UNC13C: variants seen among roughly 807,000 people sequenced by gnomAD.
UNC13C encodes unc-13 homolog C.
In UNC13C, 174 loss-of-function variants were observed where a neutral mutation model predicts 245.4. The ratio of observed to expected loss-of-function variants is 0.71; its 90% CI spans 0.63 to 0.80. The LOEUF is 0.80. Among genes scored for constraint, UNC13C ranks in the 30% least tolerant of loss-of-function variants. The probability of loss-of-function intolerance (pLI) is 0.00; values close to 1 mark genes in which losing one functional copy is unlikely to be tolerated. For missense variants in UNC13C, 2,829 were observed against 2,602.9 expected (o/e 1.09, Z -1.89); for synonymous variants, 992 against 895.1 (o/e 1.11, Z -1.93).
intron 19 of UNC13C, among the ~76,000 whole-genome samples, chr15:54,483,960 A>ACG (rs1429776001): frequency 4.0e-5 from 5 of 124,570 alleles, no homozygotes; most frequent in East Asian, 6.5e-4. Context: ...ACACACACAC[A>ACG]CATGCACACT....
chr15:54,400,025 A>C (rs779601174), intron 18 of UNC13C, among the ~76,000 whole-genome samples: 3 of 151,952 alleles, frequency 2.0e-5, no homozygotes, highest in Non-Finnish European at 4.4e-5. Flanking sequence ...CAATTATCAA[A>C]ATTTTGTGAT....
chr15:54,376,995 GAC>G (rs2039621281), intron 17 of UNC13C, among the ~76,000 whole-genome samples: 1 of 152,212 alleles, frequency 6.6e-6, no homozygotes, highest in South Asian at 2.1e-4. Flanking sequence ...AAAAGGAGCA[GAC>G]ACACAGAGAG....
intron 1 of UNC13C, among the ~76,000 whole-genome samples, chr15:53,995,804 C>G (rs770013540): frequency 6.6e-6 from 1 of 151,998 alleles, no homozygotes; most frequent in Non-Finnish European, 1.5e-5. Context: ...ACTTTTTATG[C>G]CCAATAAAAG....
At chr15:54,113,983 C>A (rs915910065) in intron 2 of UNC13C, among the ~76,000 whole-genome samples, 3 of 152,164 alleles carry the variant, frequency 2.0e-5, no homozygotes, top group Non-Finnish European at 4.4e-5. Flanking sequence ...TTCCTTCACA[C>A]CTCTGAAAGG....
chr15:53,995,103 T>C (rs188700444), intron 1 of UNC13C, among the ~76,000 whole-genome samples: 1 of 152,256 alleles, frequency 6.6e-6, no homozygotes, highest in Admixed American at 6.5e-5. Context: ...AGTTCATGCA[T>C]GAAGATAAAT....
At chr15:54,532,862 C>A in intron 25 of UNC13C, 55 bp from the exon 26 acceptor site, 2 of 1,208,136 alleles carry the variant, frequency 1.7e-6, no homozygotes, top group East Asian at 2.6e-5. Flanking sequence ...GAAATTGGAA[C>A]AGGCTCAGGC....
chr15:54,093,493 C>A (rs568880716), intron 2 of UNC13C, among the ~76,000 whole-genome samples: 4 of 152,300 alleles, frequency 2.6e-5, no homozygotes, highest in African/African-American at 9.6e-5. Context: ...CTTTGTCAAA[C>A]TGAATATTAA....
chr15:54,423,394 A>T (rs932864762), intron 19 of UNC13C, among the ~76,000 whole-genome samples: 2 of 151,862 alleles, frequency 1.3e-5, no homozygotes, highest in African/African-American at 4.8e-5. Context: ...ATATATTTCT[A>T]TGTTGATAAG....
chr15:54,362,236 G>C (rs1286262470), intron 17 of UNC13C, among the ~76,000 whole-genome samples: 1 of 152,200 alleles, frequency 6.6e-6, no homozygotes, highest in Non-Finnish European at 1.5e-5. Context: ...GATGGAACTG[G>C]AGTTGGCTTC....
At chr15:54,511,523 G>A (rs537012876) in intron 23 of UNC13C, among the ~76,000 whole-genome samples, 21 of 152,088 alleles carry the variant, frequency 1.4e-4, no homozygotes, top group African/African-American at 5.1e-4. Context: ...AGTCTCCAAT[G>A]GTTTATTGTC....
chr15:54,487,090 A>C (rs1172334571), intron 19 of UNC13C, among the ~76,000 whole-genome samples: 1 of 152,182 alleles, frequency 6.6e-6, no homozygotes, highest in East Asian at 1.9e-4. Flanking sequence ...GTCCAACCAG[A>C]ACATACTCAT....
At chr15:54,501,037 T>C in intron 22 of UNC13C, 59 bp downstream of exon 22, 1 of 1,569,674 alleles carries the variant, frequency 6.4e-7, no homozygotes, top group East Asian at 2.2e-5. Flanking sequence ...TGAAAAATGC[T>C]ATTGTTTTGT....
At chr15:54,231,526 G>A (rs555836629) in intron 4 of UNC13C, among the ~76,000 whole-genome samples, 1 of 151,924 alleles carries the variant, frequency 6.6e-6, no homozygotes, top group Non-Finnish European at 1.5e-5. Flanking sequence ...TATAAAATGA[G>A]AGAAATAATT....
intron 19 of UNC13C, among the ~76,000 whole-genome samples, chr15:54,418,837 C>T (rs557215352): frequency 1.3e-5 from 2 of 152,250 alleles, no homozygotes; most frequent in South Asian, 4.1e-4. Flanking sequence ...TTCATCTTTA[C>T]ATTGAAGGAA....
chr15:54,028,684 CTTT>C (rs58264883), intron 2 of UNC13C, among the ~76,000 whole-genome samples: 3 of 87,082 alleles, frequency 3.4e-5, no homozygotes, highest in South Asian at 9.6e-4. Flanking sequence ...GCCTACAAGT[CTTT>C]TTTTTTTTTT....
intron 17 of UNC13C, among the ~76,000 whole-genome samples, chr15:54,380,119 A>T (rs1187168695): frequency 6.6e-6 from 1 of 152,070 alleles, no homozygotes; most frequent in Non-Finnish European, 1.5e-5. Context: ...TTTGACCAAC[A>T]GCTCTCTAAG....
rs114157058 is a variant in UNC13C, at chr15:54,618,778, C to T, written c.6107-3549C>T. Among the ~76,000 whole-genome samples, 879 of 152,104 alleles carry T rather than the reference C, an allele frequency of 5.8e-3. 9 individuals are homozygous for T. The highest frequency in any genetic ancestry group is 0.02 in the African/African-American group (849 of 41,474). ...GTACCAAAAGCATTAAATGAATCAA[C>T]GGAAGTATATGTATAGTTCTTTTCA... On this transcript the variant is annotated intron_variant, in intron 30 of 32. Transcript: ENST00000260323.
rs75015566 is a variant in UNC13C, at chr15:54,547,004, C to A, written c.5820+159C>A. Among the ~76,000 whole-genome samples the A allele has an allele frequency of 1.1e-3, 172 of 152,238 alleles. No individual in the cohort carries two copies. The East Asian group carries it at 0.03, about 27-fold the overall frequency. On this transcript the variant is annotated intron_variant, in intron 27 of 32. Transcript: ENST00000260323. ...GATCATTCAAATGATAGTTTCCTAT[C>A]CAAGTCAATTTTAAATAATGGCAAT...
intron 2 of UNC13C, chr15:54,048,781 C>T (rs1238074441): frequency 8.1e-6 from 2 of 247,470 alleles, no homozygotes; most frequent in Non-Finnish European, 1.6e-5. Flanking sequence ...ACCAGAGGGC[C>T]GTTAACTCTT....
Sources: gnomAD v4.1 joint callset for allele counts (sites outside exome capture counted in the v4.1 genomes callset) on GRCh38, gnomAD v4.1.1 for gene constraint, MANE v1.5 for transcripts, NCBI Gene and HGNC (gene_info 2026-07-23, HGNC 2026-07-21) for gene names.